Variants in PHF20 observed in about 807,000 individuals in gnomAD.
PHF20 encodes the protein glioma-expressed antigen 2.
A neutral mutation model predicts 113.5 loss-of-function variants in PHF20; 23 were observed. The ratio of observed to expected loss-of-function variants is 0.20; its 90% CI spans 0.15 to 0.29. PHF20 has a LOEUF of 0.29. Ranked by LOEUF, PHF20 falls within the 10% of genes least tolerant of loss-of-function variation. PHF20 has a pLI of 1.00. For missense variants in PHF20, 943 were observed against 1,219.6 expected (o/e 0.77, Z 3.38); for synonymous variants, 434 against 457.3 (o/e 0.95, Z 0.65).
At chr20:35,787,083 C>T (rs899525164) in intron 1 of PHF20, among the ~76,000 whole-genome samples, 3 of 151,634 alleles carry the variant, frequency 2.0e-5, no homozygotes, top group African/African-American at 4.8e-5. Flanking sequence ...CCTTGAACCC[C>T]TGGGCTCAAG....
chr20:35,839,351 A>G (rs2068526166), intron 2 of PHF20, among the ~76,000 whole-genome samples: 1 of 148,818 alleles, frequency 6.7e-6, no homozygotes, highest in Admixed American at 6.8e-5. Context: ...AGATCGTGCC[A>G]CTGCACTCCA....
chr20:35,805,980 T>G (rs1464587113), intron 2 of PHF20, among the ~76,000 whole-genome samples: 1 of 151,952 alleles, frequency 6.6e-6, no homozygotes, highest in East Asian at 1.9e-4. Context: ...TTCTCCTGCC[T>G]CAGCCTCCTG....
intron 9 of PHF20, among the ~76,000 whole-genome samples, chr20:35,893,718 G>A (rs1383573582): frequency 6.6e-6 from 1 of 151,106 alleles, no homozygotes; most frequent in African/African-American, 2.4e-5. Flanking sequence ...AGGTTCAAGT[G>A]ATTCTCCTGC....
At chr20:35,946,676 ATTTTATTTAT>A (rs1222185763) in intron 17 of PHF20, among the ~76,000 whole-genome samples, 64 of 142,002 alleles carry the variant, frequency 4.5e-4, no homozygotes, top group African/African-American at 1.5e-3. Flanking sequence ...ATTTTATTTT[ATTTTATTTAT>A]TTTATTTTAT....
intron 15 of PHF20, among the ~76,000 whole-genome samples, chr20:35,931,938 C>T (rs1172941074): frequency 3.3e-5 from 5 of 150,868 alleles, no homozygotes; most frequent in Admixed American, 2.0e-4. Context: ...GCAATAAGAG[C>T]GAAACTCCGT....
intron 11 of PHF20, 48 bp from the exon 12 acceptor site, chr20:35,913,985 C>A: frequency 6.4e-7 from 1 of 1,567,610 alleles, no homozygotes; most frequent in Non-Finnish European, 8.8e-7. Flanking sequence ...CTAGAATGCA[C>A]CAGTGTTAAC....
In PHF20 at chr20:35,775,754, C is replaced by CAAAA. The variant is rs11167276; in HGVS notation, c.-33+3692_-33+3695dup. On this transcript the variant is annotated intron_variant, in intron 1 of 17. Transcript: ENST00000374012. ...GGGCCACAGAGTGAGACTCTGTCTCCAAAAAAAAAAAAAAAAAAAAGGCCA... is the reference window on the plus strand; with the variant it reads ...GGGCCACAGAGTGAGACTCTGTCTCCAAAAAAAAAAAAAAAAAAAAAAAAGGCCA... 2.9e-3 allele frequency among the ~76,000 whole-genome samples: 248 copies of CAAAA among 85,372 alleles called. 4 individuals carry two copies. Among genetic ancestry groups the CAAAA allele is most frequent in the South Asian group, 4.4e-3 (8 of 1,818 alleles). 56.0% of individuals were successfully genotyped at this position (85,372 alleles called of 152,430 possible). A position where few individuals can be genotyped will look rare whatever the true frequency, so the allele number is the denominator to read the frequency against.
At chr20:35,925,206 T>G (rs2055602564) in intron 13 of PHF20, among the ~76,000 whole-genome samples, 1 of 152,016 alleles carries the variant, frequency 6.6e-6, no homozygotes, top group African/African-American at 2.4e-5. Flanking sequence ...TCCCAGCTGT[T>G]AATTTTAGAA....
At position 35,850,301 on chromosome 20, in the gene PHF20, T is replaced by TTTTTTTTTG. The variant is rs1568650544; in HGVS notation, c.340+2875_340+2876insGTTTTTTTT. Among the ~76,000 whole-genome samples, 13 of 97,816 alleles carry TTTTTTTTTG rather than the reference T, an allele frequency of 1.3e-4. 1 individual carries two copies. Among genetic ancestry groups the TTTTTTTTTG allele is most frequent in the African/African-American group, 5.4e-4 (11 of 20,248 alleles). The allele number at this position is 97,816 out of a possible 152,430, so 64.2% of individuals were successfully genotyped here. ...GCTGCTTAGCTTCCCCCTCCGTTTTTTTTTTTTTTTTTTTTTTTTTTTTTG... is the reference window on the plus strand; with the variant it reads ...GCTGCTTAGCTTCCCCCTCCGTTTTTTTTTTTTTGTTTTTTTTTTTTTTTTTTTTTTTTG... On this transcript the variant is annotated intron_variant, in intron 4 of 17. Coordinates refer to ENST00000374012, the MANE Select transcript of PHF20 (RefSeq NM_016436.5).
chr20:35,892,845 C>T (rs1600890428), intron 9 of PHF20, among the ~76,000 whole-genome samples: 2 of 152,312 alleles, frequency 1.3e-5, no homozygotes, highest in East Asian at 3.9e-4. Flanking sequence ...GTGAGTTATA[C>T]TTCACTGATT....
chr20:35,910,760 C>T (rs1263177784), intron 10 of PHF20, among the ~76,000 whole-genome samples: 2 of 151,982 alleles, frequency 1.3e-5, no homozygotes, highest in African/African-American at 4.8e-5. Flanking sequence ...TCCCAAGTAG[C>T]TGGGATTACA....
At chr20:35,926,534 C>G (rs899570562) in intron 13 of PHF20, among the ~76,000 whole-genome samples, 1 of 152,048 alleles carries the variant, frequency 6.6e-6, no homozygotes, top group Non-Finnish European at 1.5e-5. Flanking sequence ...CCACCGCGCC[C>G]GGCCGACAGA....
intron 2 of PHF20, among the ~76,000 whole-genome samples, chr20:35,809,717 CAAA>C (rs759390130): frequency 7.9e-6 from 1 of 126,642 alleles, no homozygotes; most frequent in African/African-American, 2.9e-5. Flanking sequence ...GACCCTGTCT[CAAA>C]AAAAAAAAAA....
At chr20:35,911,447 G>A (rs2055301971) in intron 10 of PHF20, among the ~76,000 whole-genome samples, 1 of 152,184 alleles carries the variant, frequency 6.6e-6, no homozygotes, top group Non-Finnish European at 1.5e-5. Context: ...AGTTTGGGGC[G>A]ATTACAACTA....
chr20:35,792,238 A>C (rs1318249591), intron 1 of PHF20, among the ~76,000 whole-genome samples: 1 of 151,810 alleles, frequency 6.6e-6, no homozygotes, highest in Non-Finnish European at 1.5e-5. Flanking sequence ...GCCAGGCTGG[A>C]GTGCAGTGGC....
chr20:35,890,827 A>G (rs2054835104), intron 9 of PHF20, among the ~76,000 whole-genome samples: 1 of 152,188 alleles, frequency 6.6e-6, no homozygotes, highest in Non-Finnish European at 1.5e-5. Flanking sequence ...GGTTGCAGTG[A>G]CCCGAGATCG....
chr20:35,860,633 A>G (rs1207680961), intron 5 of PHF20, among the ~76,000 whole-genome samples: 1 of 152,190 alleles, frequency 6.6e-6, no homozygotes, highest in Non-Finnish European at 1.5e-5. Context: ...AAAATTAACA[A>G]AATTATTACA....
chr20:35,897,716 G>A lies in PHF20; in HGVS notation c.1283-1654G>A, dbSNP rs9753593. Among the ~76,000 whole-genome samples the A allele has an allele frequency of 2.0e-4, 31 of 151,600 alleles. No individual in the cohort carries two copies. In the East Asian group the frequency reaches 5.2e-3, roughly 26 times the overall value. On this transcript the variant is annotated intron_variant, in intron 9 of 17. Transcript: ENST00000374012. ...TGGGTAGCTGGGACTACAGGTGCCCGACACCACGCCCGACTAATTTTGTTG... is the reference window on the plus strand; with the variant it reads ...TGGGTAGCTGGGACTACAGGTGCCCAACACCACGCCCGACTAATTTTGTTG...
chr20:35,911,995 T>C (rs936994707), intron 10 of PHF20, among the ~76,000 whole-genome samples: 18 of 148,538 alleles, frequency 1.2e-4, no homozygotes, highest in Non-Finnish European at 2.5e-4. Context: ...TTTTTTTTTT[T>C]CTTTGAGATG....
Sources: gnomAD v4.1 joint callset for allele counts (sites outside exome capture counted in the v4.1 genomes callset) on GRCh38, gnomAD v4.1.1 for gene constraint, MANE v1.5 for transcripts, NCBI Gene and HGNC (gene_info 2026-07-23, HGNC 2026-07-21) for gene names.